The following SH3RF3 variants were observed in gnomAD, a reference collection of about 807,000 sequenced individuals.
SH3RF3 encodes the protein E3 ubiquitin-protein ligase SH3RF3.
In SH3RF3, 29 loss-of-function variants were observed where a neutral mutation model predicts 66.3. The observed-to-expected ratio is 0.44, with a 90% CI of 0.33 to 0.60. The LOEUF (loss-of-function observed/expected upper bound fraction) is 0.60. SH3RF3 is among the 20% of genes least tolerant of loss of function. The probability of loss-of-function intolerance (pLI) is 0.04; values close to 1 mark genes in which losing one functional copy is unlikely to be tolerated. For missense variants in SH3RF3, 1,194 were observed against 1,190.9 expected (o/e 1.00, Z -0.04); for synonymous variants, 583 against 532.0 (o/e 1.10, Z -1.32).
At chr2:109,472,692 C>T (rs914001189) in intron 8 of SH3RF3, among the ~76,000 whole-genome samples, 2 of 152,202 alleles carry the variant, frequency 1.3e-5, no homozygotes, top group African/African-American at 4.8e-5. Context: ...TCATTCCAGA[C>T]ATCCTTCAGA....
chr2:109,377,773 G>A (rs1474914745), intron 3 of SH3RF3, among the ~76,000 whole-genome samples: 2 of 152,186 alleles, frequency 1.3e-5, no homozygotes, highest in African/African-American at 2.4e-5. Flanking sequence ...GGTTGATGCA[G>A]CAACATCAAG....
At chr2:109,175,709 G>T (rs1006947368) in intron 1 of SH3RF3, among the ~76,000 whole-genome samples, 4 of 152,190 alleles carry the variant, frequency 2.6e-5, no homozygotes, top group African/African-American at 9.6e-5. Context: ...GACTTTTCTA[G>T]GTAGAGTGTA....
At chr2:109,208,627 T>C (rs961684968) in intron 1 of SH3RF3, among the ~76,000 whole-genome samples, 1 of 152,238 alleles carries the variant, frequency 6.6e-6, no homozygotes, top group Non-Finnish European at 1.5e-5. Context: ...CATTTGACTT[T>C]ACTGTTTTAA....
At chr2:109,278,070 A>G (rs1249563981) in intron 1 of SH3RF3, among the ~76,000 whole-genome samples, 2 of 150,948 alleles carry the variant, frequency 1.3e-5, no homozygotes, top group Non-Finnish European at 2.9e-5. Context: ...CCAGCTACTC[A>G]GAAGGCTGAG....
At chr2:109,316,866 G>C (rs942581097) in intron 1 of SH3RF3, among the ~76,000 whole-genome samples, 2 of 152,174 alleles carry the variant, frequency 1.3e-5, no homozygotes, top group African/African-American at 4.8e-5. Context: ...GTAGTTCTGC[G>C]TTCTCCAGAA....
At chr2:109,194,810 C>T (rs1291151162) in intron 1 of SH3RF3, among the ~76,000 whole-genome samples, 1 of 151,984 alleles carries the variant, frequency 6.6e-6, no homozygotes, top group Non-Finnish European at 1.5e-5. Flanking sequence ...ATTCACAGGA[C>T]GAAAAGATTG....
At chr2:109,346,463 G>A (rs1390710998) in intron 1 of SH3RF3, among the ~76,000 whole-genome samples, 1 of 152,164 alleles carries the variant, frequency 6.6e-6, no homozygotes, top group Non-Finnish European at 1.5e-5. Context: ...AGAAAATGCG[G>A]CTTCTGGTAG....
intron 1 of SH3RF3, among the ~76,000 whole-genome samples, chr2:109,182,183 G>A (rs1311944075): frequency 6.6e-6 from 1 of 151,950 alleles, no homozygotes; most frequent in Non-Finnish European, 1.5e-5. Flanking sequence ...AACAATAGAA[G>A]TGTATTTGAC....
rs371890516 is a variant in SH3RF3 at position 109,241,168 on chromosome 2, A to G, written c.574-106506A>G. ...TCAATGATGACAAGAAGAGAGCGAA[A>G]TAAGTTTGTACTTACATACCTCAAA... On this transcript the variant is annotated intron_variant, in intron 1 of 9. Coordinates refer to ENST00000309415, the MANE Select transcript of SH3RF3 (RefSeq NM_001099289.3). Among the ~76,000 whole-genome samples the G allele has an allele frequency of 3.9e-4, 60 of 152,354 alleles. 3 individuals are homozygous for G. In the South Asian group the frequency reaches 0.012, roughly 30 times the overall value.
At chr2:109,306,880 C>G (rs1029085873) in intron 1 of SH3RF3, among the ~76,000 whole-genome samples, 1 of 152,152 alleles carries the variant, frequency 6.6e-6, no homozygotes, top group Non-Finnish European at 1.5e-5. Flanking sequence ...CTTGGTTCAA[C>G]GGGTGTGCGG....
chr2:109,238,785 G>T (rs531270901), intron 1 of SH3RF3, among the ~76,000 whole-genome samples: 1 of 152,228 alleles, frequency 6.6e-6, no homozygotes, highest in Admixed American at 6.5e-5. Flanking sequence ...CAATACAGAG[G>T]CAAGGCCCCT....
At chr2:109,388,726 G>T (rs889896546) in intron 3 of SH3RF3, among the ~76,000 whole-genome samples, 1 of 152,248 alleles carries the variant, frequency 6.6e-6, no homozygotes, top group Non-Finnish European at 1.5e-5. Flanking sequence ...CCCTGCAAGA[G>T]GATGAAGTAG....
At chr2:109,333,697 A>G (rs1021047040) in intron 1 of SH3RF3, among the ~76,000 whole-genome samples, 2 of 152,198 alleles carry the variant, frequency 1.3e-5, no homozygotes, top group African/African-American at 4.8e-5. Flanking sequence ...TAAGAGCACA[A>G]ATTCTGAAAC....
At chr2:109,421,411 G>C (rs1339885657) in intron 5 of SH3RF3, among the ~76,000 whole-genome samples, 2 of 152,240 alleles carry the variant, frequency 1.3e-5, no homozygotes, top group African/African-American at 2.4e-5. Context: ...CTTGAGGCGA[G>C]CTCAAGGCTT....
chr2:109,359,780 G>GA (rs903291142), intron 2 of SH3RF3, among the ~76,000 whole-genome samples: 8 of 151,958 alleles, frequency 5.3e-5, no homozygotes, highest in African/African-American at 1.9e-4. Flanking sequence ...ATCCTCAAGG[G>GA]AAAAAAGACC....
chr2:109,485,977 C>T (rs1427208259), intron 8 of SH3RF3, among the ~76,000 whole-genome samples: 1 of 152,374 alleles, frequency 6.6e-6, no homozygotes, highest in Admixed American at 6.5e-5. Flanking sequence ...CTGGAGCCAG[C>T]CAGACAGCTC....
intron 8 of SH3RF3, among the ~76,000 whole-genome samples, chr2:109,489,673 A>G (rs924520102): frequency 7.0e-6 from 1 of 143,836 alleles, no homozygotes; most frequent in South Asian, 2.1e-4. Flanking sequence ...CTCGGGGCCT[A>G]TTTTGGACAT....
intron 1 of SH3RF3, among the ~76,000 whole-genome samples, chr2:109,270,463 A>G (rs1156414630): frequency 6.6e-6 from 1 of 152,170 alleles, no homozygotes; most frequent in East Asian, 1.9e-4. Context: ...TCTTGTTTCC[A>G]CTGCCTGAGC....
chr2:109,421,156 T>C (rs1415648350), intron 5 of SH3RF3, among the ~76,000 whole-genome samples: 1 of 152,198 alleles, frequency 6.6e-6, no homozygotes, highest in Non-Finnish European at 1.5e-5. Flanking sequence ...AAGAATTGGA[T>C]GCAGGATGCT....
Sources: gnomAD v4.1 joint callset for allele counts (sites outside exome capture counted in the v4.1 genomes callset) on GRCh38, gnomAD v4.1.1 for gene constraint, MANE v1.5 for transcripts, NCBI Gene and HGNC (gene_info 2026-07-23, HGNC 2026-07-21) for gene names.